SHOX: variants seen among roughly 807,000 people sequenced by gnomAD.
The protein encoded by SHOX is short stature homeobox protein.
A neutral mutation model predicts 29.6 loss-of-function variants in SHOX; 12 were observed. That is an observed-to-expected ratio of 0.41 (90% CI 0.26 to 0.66). The LOEUF is 0.66. SHOX is among the 30% of genes least tolerant of loss of function. The pLI is 0.35. For synonymous variants in SHOX, 214 were observed against 200.6 expected (o/e 1.07, Z -0.57); for missense variants, 499 against 437.7 (o/e 1.14, Z -1.25).
At chrX:624,909 C>CCTTTCTTTCTTTCTTTCTTTCTTT (rs201032866) in intron 1 of SHOX, among the ~76,000 whole-genome samples, 3 of 38,894 alleles carry the variant, frequency 7.7e-5, no homozygotes, top group Non-Finnish European at 2.3e-4. Context: ...TTTCTCTCTT[C>CCTTTCTTTCTTTCTTTCTTTCTTT]CTTTCTTTCT....
chrX:625,058 C>CCTTCCCTCCCTCCCTCCTTCT (rs2052494217), intron 1 of SHOX, among the ~76,000 whole-genome samples: 1 of 75,214 alleles, frequency 1.3e-5, no homozygotes, highest in Non-Finnish European at 2.2e-5. Flanking sequence ...TCTGTTCCTT[C>CCTTCCCTCCCTCCCTCCTTCT]CTCCCTCCCT....
intron 5 of SHOX, among the ~76,000 whole-genome samples, chrX:656,925 C>CAA (rs57866699): frequency 9.4e-4 from 5 of 5,296 alleles, no homozygotes; most frequent in South Asian, 8.1e-3. Flanking sequence ...GACTCCGTCT[C>CAA]AAAAAAAAAA....
At chrX:635,056 T>A (rs1370658257) in intron 2 of SHOX, among the ~76,000 whole-genome samples, 1 of 152,016 alleles carries the variant, frequency 6.6e-6, no homozygotes, top group Non-Finnish European at 1.5e-5. Flanking sequence ...TATATATACA[T>A]ATATATTATA....
At chrX:626,396 T>A (rs1343125130), upstream of SHOX, among the ~76,000 whole-genome samples, 14 of 133,318 alleles carry the variant, frequency 1.1e-4, no homozygotes, top group South Asian at 5.5e-4. Context: ...TCTGTCTGTA[T>A]CTCTATCTCT....
chrX:624,578 G>T (rs1214604646), exon 1 of SHOX: 1 of 152,080 alleles, frequency 6.6e-6, no homozygotes, highest in Non-Finnish European at 1.5e-5. Flanking sequence ...TCCGGGGCGC[G>T]CTCGGGGCCT....
chrX:651,630 C>A (rs1280022824), downstream of SHOX, among the ~76,000 whole-genome samples: 1 of 121,066 alleles, frequency 8.3e-6, no homozygotes, highest in African/African-American at 3.3e-5. Flanking sequence ...CCCCTGAGGA[C>A]AGGCTTATTG....
chrX:637,268 T>C (rs1264281609), intron 2 of SHOX, among the ~76,000 whole-genome samples: 1 of 151,898 alleles, frequency 6.6e-6, no homozygotes, highest in Non-Finnish European at 1.5e-5. Flanking sequence ...ATGAAAAGAT[T>C]AAAGTTTCGC....
chrX:649,029 CTT>C lies in SHOX; in HGVS notation c.*4395_*4396del, dbSNP rs201246440. On this transcript the variant is annotated 3_prime_UTR_variant, in exon 5 of 5. Transcript: ENST00000686671. ...TTTGTTTCTTTCTTTCTTTTTCTTTCTTTCTTTTTCTTTCTTCTTTCTTTCTT... is the reference window on the plus strand; with the variant it reads ...TTTGTTTCTTTCTTTCTTTTTCTTTCTCTTTTTCTTTCTTCTTTCTTTCTT... 1.4e-5 allele frequency among the ~76,000 whole-genome samples: 1 copy of C among 69,696 alleles called. No homozygotes were observed. The highest frequency in any genetic ancestry group is 3.6e-4 in the South Asian group (1 of 2,792). The allele number at this position is 69,696 out of a possible 152,430, so 45.7% of individuals were successfully genotyped here.
At chrX:655,372 G>T (rs1377315183), downstream of SHOX, among the ~76,000 whole-genome samples, 1 of 151,892 alleles carries the variant, frequency 6.6e-6, no homozygotes, top group Non-Finnish European at 1.5e-5. Context: ...CTCCCAAAGT[G>T]CTGGGATTAC....
downstream of SHOX, among the ~76,000 whole-genome samples, chrX:651,992 G>A (rs1197435938): frequency 2.0e-5 from 3 of 151,962 alleles, no homozygotes; most frequent in East Asian, 3.9e-4. Context: ...GCGCGATCTC[G>A]GCTCACCGCG....
chrX:652,228 G>A (rs1346491497), downstream of SHOX, among the ~76,000 whole-genome samples: 1 of 151,944 alleles, frequency 6.6e-6, no homozygotes, highest in Non-Finnish European at 1.5e-5. Flanking sequence ...TCCAGTTTTC[G>A]ACAGTGGCAC....
downstream of SHOX, among the ~76,000 whole-genome samples, chrX:652,539 G>GT (rs1383926887): frequency 6.6e-5 from 10 of 151,936 alleles, no homozygotes; most frequent in Non-Finnish European, 1.3e-4. Flanking sequence ...AGCTTTCTCT[G>GT]TGGGGGGCTC....
chrX:651,423 C>CA lies in SHOX; in HGVS notation c.*6795dup, dbSNP rs1452804416. 4.3e-5 allele frequency: 19 copies of CA among 443,574 alleles called. No homozygotes were observed. Among genetic ancestry groups the CA allele is most frequent in the East Asian group, 7.0e-5 (1 of 14,288 alleles). 27.5% of individuals were successfully genotyped at this position (443,574 alleles called of 1,614,324 possible). ...CAAACAAACAAACAGAAAAAAAAAC[C>CA]AAAAAAAACCACCCTGAGTTTCTCT... On this transcript the variant is annotated 3_prime_UTR_variant, in exon 5 of 5. Coordinates refer to ENST00000686671, the MANE Select transcript of SHOX (RefSeq NM_000451.4).
rs2053063525 is a variant in SHOX at position 651,485 on chromosome X, A to G, written c.*6849A>G. The stretch of plus-strand genomic sequence containing the variant: ...CATTCTCCTAACGTTCAATAATCTC[A>G]ATGTTGAGTTGCAGCAACAGACTGT... On this transcript the variant is annotated 3_prime_UTR_variant, in exon 5 of 5. Transcript: ENST00000686671. The G allele has an allele frequency of 2.3e-6, 1 of 438,450 alleles. No homozygotes were observed. Among genetic ancestry groups the G allele is most frequent in the South Asian group, 1.6e-5 (1 of 60,950 alleles). The allele number at this position is 438,450 out of a possible 1,614,324, so 27.2% of individuals were successfully genotyped here.
upstream of SHOX, among the ~76,000 whole-genome samples, chrX:627,111 C>T (rs939887726): frequency 1.3e-5 from 2 of 152,038 alleles, no homozygotes; most frequent in African/African-American, 4.8e-5. Flanking sequence ...ATCAGTAAAA[C>T]CTCCAACAAG....
chrX:634,338 T>G (rs766894543), intron 1 of SHOX, among the ~76,000 whole-genome samples: 80 of 146,498 alleles, frequency 5.5e-4, no homozygotes, highest in Middle Eastern at 3.5e-3. Flanking sequence ...AAAAAAAAAA[T>G]AAGAAAAAAA....
At chrX:639,301 T>C (rs777638692) in intron 2 of SHOX, among the ~76,000 whole-genome samples, 1 of 152,308 alleles carries the variant, frequency 6.6e-6, no homozygotes, top group East Asian at 1.9e-4. Context: ...TGACCCTTGG[T>C]CATGAATGGG....
chrX:640,739 C>T, intron 2 of SHOX, 82 bp from the exon 3 acceptor site: 1 of 1,520,636 alleles, frequency 6.6e-7, no homozygotes, highest in South Asian at 1.1e-5. Flanking sequence ...GTGCTTGGTT[C>T]AGCCTCATGG....
chrX:630,529 C>T (rs1489494428), upstream of SHOX: 7 of 405,944 alleles, frequency 1.7e-5, no homozygotes, highest in Admixed American at 2.0e-4. Context: ...GTGGGGGGCT[C>T]GGGCGCCTGC....
Sources: gnomAD v4.1 joint callset for allele counts (sites outside exome capture counted in the v4.1 genomes callset) on GRCh38, gnomAD v4.1.1 for gene constraint, MANE v1.5 for transcripts, NCBI Gene and HGNC (gene_info 2026-07-23, HGNC 2026-07-21) for gene names.